The following HDX variants were observed in gnomAD, a reference collection of about 807,000 sequenced individuals.
HDX encodes the protein chromosome X open reading frame 43.
Under a neutral mutation model 45.2 loss-of-function variants are expected in HDX, and 19 were observed. The ratio of observed to expected loss-of-function variants is 0.42; its 90% CI spans 0.29 to 0.62. HDX has a LOEUF of 0.62. HDX is among the 20% of genes least tolerant of loss of function. The probability of loss-of-function intolerance (pLI) is 0.20; values close to 1 mark genes in which losing one functional copy is unlikely to be tolerated. For missense variants in HDX, 532 were observed against 493.9 expected (o/e 1.08, Z -0.73); for synonymous variants, 188 against 172.8 (o/e 1.09, Z -0.69).
At chrX:84,408,499 G>GTTTTTTTTTTTTTTTTTTTTTT (rs1220751208) in intron 5 of HDX, among the ~76,000 whole-genome samples, 2 of 44,440 alleles carry the variant, frequency 4.5e-5, no homozygotes, top group Non-Finnish European at 7.9e-5. Context: ...CTCCAGCTTT[G>GTTTTTTTTTTTTTTTTTTTTTT]TTTTTTTTTT....
chrX:84,346,444 A>C (rs2037206895), intron 6 of HDX, among the ~76,000 whole-genome samples: 1 of 111,964 alleles, frequency 8.9e-6, no homozygotes, highest in African/African-American at 3.2e-5. Context: ...ATAAAAAAGA[A>C]TAAGGTGGAA....
At chrX:84,337,787 G>A (rs185108160) in intron 7 of HDX, among the ~76,000 whole-genome samples, 4 of 111,162 alleles carry the variant, frequency 3.6e-5, no homozygotes, top group Non-Finnish European at 7.6e-5. Flanking sequence ...TTCTAAAAAC[G>A]AGAAAATAAG....
intron 5 of HDX, among the ~76,000 whole-genome samples, chrX:84,439,313 A>T (rs1479861847): frequency 9.0e-6 from 1 of 111,066 alleles, no homozygotes; most frequent in African/African-American, 3.3e-5. Context: ...CCTTTGTCAG[A>T]TGCATATTTT....
intron 9 of HDX, among the ~76,000 whole-genome samples, chrX:84,331,126 G>A (rs1378181440): frequency 9.0e-6 from 1 of 111,371 alleles, no homozygotes. Context: ...CAAGTCTGAG[G>A]TGCTATTTTA....
In HDX at chrX:84,366,542, A is replaced by G. The variant is rs192221310; in HGVS notation, c.1306-4930T>C. On this transcript the variant is annotated intron_variant, in intron 5 of 10. Coordinates refer to ENST00000373177, the MANE Select transcript of HDX (RefSeq NM_001177479.2). ...GTAGCCAAGACAATCCTAAGCAAAA[A>G]GAACAAAACTGGGGGCATCACGCTA... Among the ~76,000 whole-genome samples, 465 of 111,990 alleles carry G rather than the reference A, an allele frequency of 4.2e-3. 3 individuals are homozygous for G. The highest frequency in any genetic ancestry group is 0.014 in the Middle Eastern group (3 of 218).
intron 6 of HDX, among the ~76,000 whole-genome samples, chrX:84,355,501 T>C (rs1178470798): frequency 7.2e-5 from 8 of 111,855 alleles, no homozygotes; most frequent in Non-Finnish European, 1.5e-4. Flanking sequence ...ATTTTTCCAA[T>C]GGCACTTAGA....
At chrX:84,469,623 G>A (rs1241913292) in intron 3 of HDX, 48 bp from the exon 4 acceptor site, 7 of 1,049,163 alleles carry the variant, frequency 6.7e-6, no homozygotes, top group Non-Finnish European at 8.8e-6. Context: ...AAAAACAAAC[G>A]AAGAAAAAAC....
intron 6 of HDX, among the ~76,000 whole-genome samples, chrX:84,356,838 G>A (rs969085879): frequency 2.3e-4 from 25 of 110,500 alleles, no homozygotes; most frequent in African/African-American, 8.2e-4. Flanking sequence ...TAGCTAGGAT[G>A]GTCTCGATCT....
chrX:84,334,625 C>T (rs2036916450), intron 8 of HDX, among the ~76,000 whole-genome samples: 1 of 96,405 alleles, frequency 1.0e-5, no homozygotes, highest in African/African-American at 3.8e-5. Flanking sequence ...TAGCTCCAAC[C>T]ATGAGGGGGC....
intron 1 of HDX, among the ~76,000 whole-genome samples, chrX:84,492,911 C>A (rs1009438321): frequency 1.0e-5 from 1 of 96,626 alleles, no homozygotes; most frequent in African/African-American, 3.8e-5. Context: ...TTACAAAAAG[C>A]TTTTTTTTTT....
chrX:84,408,506 T>TG (rs58702189), intron 5 of HDX, among the ~76,000 whole-genome samples: 5,409 of 96,683 alleles, frequency 0.056, 201 homozygotes, highest in African/African-American at 0.12. Context: ...TTTGTTTTTT[T>TG]TTTTTTTTTT....
chrX:84,378,011 G>A (rs1448993544), intron 5 of HDX, among the ~76,000 whole-genome samples: 1 of 111,238 alleles, frequency 9.0e-6, no homozygotes. Flanking sequence ...AGCAGCAAGA[G>A]AAAAGAAACA....
At chrX:84,433,818 G>A (rs1260224805) in intron 5 of HDX, among the ~76,000 whole-genome samples, 1 of 111,140 alleles carries the variant, frequency 9.0e-6, no homozygotes, top group Non-Finnish European at 1.9e-5. Context: ...CAGTCCATGA[G>A]CTTGGAATGT....
At chrX:84,422,130 A>G (rs1350612837) in intron 5 of HDX, among the ~76,000 whole-genome samples, 1 of 112,173 alleles carries the variant, frequency 8.9e-6, no homozygotes, top group Non-Finnish European at 1.9e-5. Flanking sequence ...AAGAACAGCC[A>G]TATGAACAGT....
chrX:84,456,673 G>A (rs1456021498), intron 4 of HDX, among the ~76,000 whole-genome samples: 1 of 110,705 alleles, frequency 9.0e-6, no homozygotes, highest in African/African-American at 3.3e-5. Context: ...TGAAAATAAA[G>A]ACATGAAAAA....
chrX:84,403,868 T>C (rs950638424), intron 5 of HDX: 3 of 111,806 alleles, frequency 2.7e-5, no homozygotes, highest in Non-Finnish European at 1.9e-5. Flanking sequence ...AAGATAAACA[T>C]GTTCTACCAG....
intron 5 of HDX, among the ~76,000 whole-genome samples, chrX:84,385,374 C>G (rs376915523): frequency 9.5e-6 from 1 of 105,061 alleles, no homozygotes; most frequent in African/African-American, 3.5e-5. Flanking sequence ...CCACTACGCC[C>G]GGCTAATTTT....
chrX:84,324,553 C>A (rs747492178), intron 10 of HDX, among the ~76,000 whole-genome samples: 1 of 111,386 alleles, frequency 9.0e-6, no homozygotes, highest in Admixed American at 9.6e-5. Context: ...GAATCATGTT[C>A]TCTTTCAACC....
intron 5 of HDX, among the ~76,000 whole-genome samples, chrX:84,386,861 G>A (rs1031201912): frequency 9.0e-6 from 1 of 110,842 alleles, no homozygotes; most frequent in Non-Finnish European, 1.9e-5. Flanking sequence ...TCTAATTTTA[G>A]TTATTTATTT....
Sources: gnomAD v4.1 joint callset for allele counts (sites outside exome capture counted in the v4.1 genomes callset) on GRCh38, gnomAD v4.1.1 for gene constraint, MANE v1.5 for transcripts, NCBI Gene and HGNC (gene_info 2026-07-23, HGNC 2026-07-21) for gene names.